STX18: variants seen among roughly 807,000 people sequenced by gnomAD.
The protein encoded by STX18 is syntaxin 18, also known as syntaxin-18.
In STX18, 40 loss-of-function variants were observed where a neutral mutation model predicts 50.1. The observed-to-expected ratio is 0.80, with a 90% CI of 0.62 to 1.04. The LOEUF is 1.04. Among genes scored for constraint, STX18 ranks in the 50% least tolerant of loss-of-function variants. STX18 has a pLI of 0.00. For synonymous variants in STX18, 158 were observed against 151.8 expected, an observed-to-expected ratio of 1.04 and a Z score of -0.30; for missense variants, 410 against 415.8, an observed-to-expected ratio of 0.99 and a Z score of 0.12.
intron 4 of STX18, 57 bp from the exon 5 acceptor site, chr4:4,457,314 G>A: frequency 6.3e-7 from 1 of 1,579,880 alleles, no homozygotes; most frequent in Non-Finnish European, 8.7e-7. Flanking sequence ...CTCAGGCAAA[G>A]CCATCATTAA....
intron 1 of STX18, among the ~76,000 whole-genome samples, chr4:4,497,669 A>G (rs1444963238): frequency 6.6e-6 from 1 of 152,222 alleles, no homozygotes; most frequent in Non-Finnish European, 1.5e-5. Flanking sequence ...GCTAGTACAT[A>G]GCAGAACTGG....
In STX18 at chr4:4,473,337, G is replaced by A. The variant is rs540877580; in HGVS notation, c.169-1631C>T. ...AGATGGAGTCTTGCTCTGTCACCAGGGCTGGAGTGCAGTGGTGCCATCTCG... is the reference window on the plus strand; with the variant it reads ...AGATGGAGTCTTGCTCTGTCACCAGAGCTGGAGTGCAGTGGTGCCATCTCG... On this transcript the variant is annotated intron_variant, in intron 1 of 10. Transcript: ENST00000306200. 9.3e-5 allele frequency among the ~76,000 whole-genome samples: 14 copies of A among 150,252 alleles called. No individual in the cohort carries two copies. The South Asian group carries it at 3.0e-3, about 32-fold the overall frequency.
chr4:4,452,148 T>C (rs1400300155), intron 5 of STX18, among the ~76,000 whole-genome samples: 1 of 151,826 alleles, frequency 6.6e-6, no homozygotes, highest in African/African-American at 2.4e-5. Flanking sequence ...AGGCCCTAAC[T>C]CTCTTCGATT....
chr4:4,469,169 G>A (rs549213123), intron 2 of STX18, among the ~76,000 whole-genome samples: 2 of 152,326 alleles, frequency 1.3e-5, no homozygotes, highest in Middle Eastern at 3.4e-3. Flanking sequence ...TTGGCGCAGA[G>A]TAAAAGGTGA....
At chr4:4,521,328 TGTAGGTCA>T (rs1730502663) in intron 1 of STX18, among the ~76,000 whole-genome samples, 2 of 152,092 alleles carry the variant, frequency 1.3e-5, no homozygotes, top group South Asian at 4.2e-4. Flanking sequence ...AATACCACAA[TGTAGGTCA>T]GCTTATGCAC....
At chr4:4,501,296 T>G (rs1729447217) in intron 1 of STX18, among the ~76,000 whole-genome samples, 1 of 152,178 alleles carries the variant, frequency 6.6e-6, no homozygotes, top group Non-Finnish European at 1.5e-5. Flanking sequence ...TTTTGCGACA[T>G]GGTTCCTCAT....
chr4:4,461,879 C>A, intron 2 of STX18: 2 of 456,256 alleles, frequency 4.4e-6, no homozygotes, highest in Non-Finnish European at 8.8e-6. Flanking sequence ...ATAGTCACCA[C>A]ACCTTTCTCT....
At chr4:4,469,633 A>C (rs946864440) in intron 2 of STX18, among the ~76,000 whole-genome samples, 12 of 152,116 alleles carry the variant, frequency 7.9e-5, no homozygotes, top group African/African-American at 2.7e-4. Context: ...ACTGGCCAGG[A>C]ATCATGAGCA....
chr4:4,521,251 C>T (rs1730497557), intron 1 of STX18, among the ~76,000 whole-genome samples: 1 of 152,208 alleles, frequency 6.6e-6, no homozygotes, highest in African/African-American at 2.4e-5. Context: ...GCATGGGGTA[C>T]AGGCCGATCT....
chr4:4,488,604 C>T (rs901724589), intron 1 of STX18, among the ~76,000 whole-genome samples: 2 of 152,168 alleles, frequency 1.3e-5, no homozygotes, highest in African/African-American at 2.4e-5. Context: ...CCACACTGTT[C>T]CTCAGTGAGC....
chr4:4,503,898 C>T (rs1045725784), intron 1 of STX18, among the ~76,000 whole-genome samples: 1 of 151,998 alleles, frequency 6.6e-6, no homozygotes, highest in Non-Finnish European at 1.5e-5. Context: ...TTTTATAGCA[C>T]ACTGAAAACT....
intron 1 of STX18, among the ~76,000 whole-genome samples, chr4:4,532,724 G>A (rs1229827430): frequency 6.6e-6 from 1 of 152,098 alleles, no homozygotes; most frequent in Non-Finnish European, 1.5e-5. Flanking sequence ...ATTGGCAAAG[G>A]CCAAAAGTAT....
chr4:4,427,996 T>C (rs532716904), intron 7 of STX18, among the ~76,000 whole-genome samples: 4 of 152,216 alleles, frequency 2.6e-5, no homozygotes, highest in African/African-American at 9.6e-5. Context: ...AAAAGGCCTA[T>C]TTCCCAGACA....
At chr4:4,538,189 C>A (rs1731428268) in intron 1 of STX18, among the ~76,000 whole-genome samples, 1 of 151,702 alleles carries the variant, frequency 6.6e-6, no homozygotes, top group South Asian at 2.1e-4. Context: ...TAGATTTCAA[C>A]TTGAATGTCA....
At chr4:4,431,074 T>C (rs1725493369) in intron 7 of STX18, among the ~76,000 whole-genome samples, 1 of 152,078 alleles carries the variant, frequency 6.6e-6, no homozygotes. Context: ...TTAACATGCT[T>C]AGCTCACCAT....
intron 1 of STX18, among the ~76,000 whole-genome samples, chr4:4,486,449 G>A (rs182977368): frequency 9.8e-5 from 15 of 152,338 alleles, no homozygotes; most frequent in Admixed American, 5.9e-4. Flanking sequence ...CATTATAAAT[G>A]TTTTTGAGTG....
At chr4:4,454,221 G>C (rs1408651218) in intron 5 of STX18, among the ~76,000 whole-genome samples, 4 of 152,116 alleles carry the variant, frequency 2.6e-5, no homozygotes, top group African/African-American at 9.7e-5. Context: ...CAAGAAGGAG[G>C]GTGCTGAACT....
intron 2 of STX18, among the ~76,000 whole-genome samples, chr4:4,470,087 AG>A (rs1727838212): frequency 1.3e-5 from 2 of 152,218 alleles, no homozygotes; most frequent in Admixed American, 1.3e-4. Context: ...CCATGAGGGC[AG>A]GAATATTTGT....
chr4:4,456,205 A>C (rs1469224518), intron 5 of STX18, among the ~76,000 whole-genome samples: 1 of 152,026 alleles, frequency 6.6e-6, no homozygotes, highest in African/African-American at 2.4e-5. Flanking sequence ...GTTTGAGCCC[A>C]GGAGGTCGTG....
Sources: allele counts gnomAD v4.1 joint callset (sites outside exome capture counted in the v4.1 genomes callset), GRCh38; gene constraint gnomAD v4.1.1; transcripts MANE v1.5; gene names NCBI Gene and HGNC (gene_info 2026-07-23, HGNC 2026-07-21).